PGM5: variants seen among roughly 807,000 people sequenced by gnomAD.
The protein encoded by PGM5 is phosphoglucomutase-like protein 5.
PGM5 carries 23 observed loss-of-function variants against 59.2 expected under a neutral mutation model. The observed-to-expected ratio is 0.39, with a 90% CI of 0.28 to 0.55. PGM5 has a LOEUF of 0.55. PGM5 is among the 20% of genes least tolerant of loss of function. PGM5 has a pLI of 0.66. For synonymous variants in PGM5, 214 were observed against 286.0 expected (o/e 0.75, Z 2.54); for missense variants, 574 against 748.3 (o/e 0.77, Z 2.72).
intron 1 of PGM5, among the ~76,000 whole-genome samples, chr9:68,369,706 G>C (rs1258121430): frequency 1.1e-4 from 16 of 152,134 alleles, no homozygotes; most frequent in Non-Finnish European, 2.2e-4. Context: ...TCAGATATTA[G>C]GAATTGATTA....
At chr9:68,464,951 T>C in intron 6 of PGM5, 142 bp from the exon 7 acceptor site, 1 of 523,112 alleles carries the variant, frequency 1.9e-6, no homozygotes, top group Non-Finnish European at 3.4e-6. Flanking sequence ...TGGCTTGATA[T>C]CCTGAAATCT....
chr9:68,450,672 A>T (rs12686170), intron 6 of PGM5, among the ~76,000 whole-genome samples: 2,236 of 152,304 alleles, frequency 0.015, 28 homozygotes, highest in East Asian at 0.062. Context: ...GGGGGGAAAA[A>T]TCCACTGTCA....
At chr9:68,385,808 C>T (rs1554678797) in intron 3 of PGM5, among the ~76,000 whole-genome samples, 1 of 152,034 alleles carries the variant, frequency 6.6e-6, no homozygotes. Flanking sequence ...TTGCTGCAGC[C>T]ACATTGCTAG....
At chr9:68,393,840 G>A (rs1372935866) in intron 6 of PGM5, 1 of 152,020 alleles carries the variant, frequency 6.6e-6, no homozygotes, top group African/African-American at 2.4e-5. Flanking sequence ...ATTCATAATG[G>A]CTAATAACTG....
chr9:68,379,083 A>G (rs2777071), intron 2 of PGM5, among the ~76,000 whole-genome samples: 30 of 152,216 alleles, frequency 2.0e-4, no homozygotes, highest in African/African-American at 6.8e-4. Context: ...AGAAAGACAC[A>G]TTGCTGCATG....
chr9:68,506,413 A>C (rs1824655770), intron 10 of PGM5, among the ~76,000 whole-genome samples: 1 of 152,192 alleles, frequency 6.6e-6, no homozygotes, highest in South Asian at 2.1e-4. Flanking sequence ...AGTTGCTCTG[A>C]ACCTATCTGG....
chr9:68,387,990 A>G (rs1454962970), intron 4 of PGM5, among the ~76,000 whole-genome samples: 1 of 151,038 alleles, frequency 6.6e-6, no homozygotes, highest in African/African-American at 2.4e-5. Context: ...TCTTTTTTGT[A>G]TTTATCTCCC....
chr9:68,464,657 C>T (rs1339563209), intron 6 of PGM5: 1 of 156,790 alleles, frequency 6.4e-6, no homozygotes, highest in African/African-American at 2.4e-5. Flanking sequence ...ACACGTGTGT[C>T]TAAGGGGTAG....
chr9:68,479,544 A>T lies in PGM5; in HGVS notation c.1286A>T (p.Tyr429Phe), dbSNP rs1021962490. The T allele has an allele frequency of 1.9e-6, 3 of 1,613,866 alleles. No individual in the cohort carries two copies. The highest frequency in any genetic ancestry group is 2.5e-6 in the Non-Finnish European group (3 of 1,179,956). Residue 429 changes from tyrosine to phenylalanine, a missense_variant, in exon 8 of 11, where the codon TAC becomes TTC. Around this residue, in one of 7 missense-constraint regions of PGM5, gnomAD observed 300 missense variants for 280.0 expected, o/e 1.07. Transcript: ENST00000396396. Reference sequence around the variant, plus strand: ...CACTGGGCCAAATTTGGCCGCCACTACTATTGCAGGTGAGGAGAAGGGGAA... The same window carrying T: ...CACTGGGCCAAATTTGGCCGCCACTTCTATTGCAGGTGAGGAGAAGGGGAA... ...RDHWAKFGRH[Y>F]YCRFDYEGLD...
rs188370969 is a variant in PGM5 at position 68,441,861 on chromosome 9, C to T, written c.1044-23232C>T. Among the ~76,000 whole-genome samples, 7 of 145,600 alleles carry T rather than the reference C, an allele frequency of 4.8e-5. No homozygotes were observed. In the East Asian group the frequency reaches 1.4e-3, roughly 28 times the overall value. On this transcript the variant is annotated intron_variant, in intron 6 of 10. Coordinates refer to ENST00000396396, the MANE Select transcript of PGM5 (RefSeq NM_021965.4). ...TCTACATAGAAAATCCAAAGTAATACACACACAAAGGTCAGAGGATACAAA... is the reference window on the plus strand; with the variant it reads ...TCTACATAGAAAATCCAAAGTAATATACACACAAAGGTCAGAGGATACAAA...
chr9:68,394,077 G>C (rs1822437202), intron 6 of PGM5: 1 of 151,962 alleles, frequency 6.6e-6, no homozygotes, highest in South Asian at 2.1e-4. Context: ...TGTGGCAATA[G>C]AAATTATTAC....
At chr9:68,403,131 G>T (rs1165200891) in intron 6 of PGM5, among the ~76,000 whole-genome samples, 1 of 152,192 alleles carries the variant, frequency 6.6e-6, no homozygotes, top group East Asian at 1.9e-4. Flanking sequence ...GAGCATTACT[G>T]CATGAGTGCC....
intron 6 of PGM5, among the ~76,000 whole-genome samples, chr9:68,415,813 A>ATCTATCTATCTT (rs1343388049): frequency 7.9e-6 from 1 of 126,250 alleles, no homozygotes; most frequent in Non-Finnish European, 1.7e-5. Flanking sequence ...CTATCTATCT[A>ATCTATCTATCTT]TCTTATCTAT....
At position 68,357,009 on chromosome 9, in the gene PGM5, G is replaced by C; in HGVS notation, c.-119G>C. The C allele has an allele frequency of 1.1e-5, 12 of 1,115,836 alleles. No individual in the cohort carries two copies. The highest frequency in any genetic ancestry group is 1.4e-5 in the Non-Finnish European group (12 of 838,536). The allele number at this position is 1,115,836 out of a possible 1,614,324, so 69.1% of individuals were successfully genotyped here. On this transcript the variant is annotated 5_prime_UTR_variant, in exon 1 of 11. Transcript: ENST00000396396. ...CAGGGCGCAGGGCGCCGACCTGCTGGAGAGGGGGCCCGGGCGCGAGGCGGA... is the reference window on the plus strand; with the variant it reads ...CAGGGCGCAGGGCGCCGACCTGCTGCAGAGGGGGCCCGGGCGCGAGGCGGA...
intron 6 of PGM5, among the ~76,000 whole-genome samples, chr9:68,428,387 G>A (rs1185933887): frequency 6.6e-6 from 1 of 152,122 alleles, no homozygotes. Flanking sequence ...GGTTTGCGAG[G>A]TGTTTATTTT....
intron 1 of PGM5, among the ~76,000 whole-genome samples, chr9:68,365,015 A>G (rs1342581456): frequency 1.7e-4 from 26 of 152,272 alleles, no homozygotes; most frequent in African/African-American, 6.0e-4. Context: ...TCTATAAAAC[A>G]TCTGTTCTCT....
chr9:68,483,823 G>A (rs782414200), intron 8 of PGM5, 42 bp from the exon 9 acceptor site: 2 of 1,589,766 alleles, frequency 1.3e-6, no homozygotes, highest in Admixed American at 1.7e-5. Context: ...CCCAGTTGCT[G>A]GTTCTCTGAT....
At chr9:68,403,630 G>C (rs1822725269) in intron 6 of PGM5, among the ~76,000 whole-genome samples, 2 of 152,154 alleles carry the variant, frequency 1.3e-5, no homozygotes, top group Non-Finnish European at 1.5e-5. Flanking sequence ...TTAAGTAATT[G>C]CCCAAGGTCA....
At chr9:68,519,493 T>TA (rs1471112947) in intron 10 of PGM5, among the ~76,000 whole-genome samples, 4 of 151,242 alleles carry the variant, frequency 2.6e-5, no homozygotes, top group Admixed American at 6.6e-5. Flanking sequence ...AGGTAACGAT[T>TA]AAAAAAAATA....
Sources: gnomAD v4.1 joint callset for allele counts (sites outside exome capture counted in the v4.1 genomes callset) on GRCh38, gnomAD v4.1.1 for gene constraint, gnomAD v4.1.1 regional missense constraint, MANE v1.5 for transcripts, NCBI Gene and HGNC (gene_info 2026-07-23, HGNC 2026-07-21) for gene names.